Variants in TBC1D32 observed in about 807,000 individuals in gnomAD.
The protein encoded by TBC1D32 is protein broad-minded.
In TBC1D32, 151 loss-of-function variants were observed where a neutral mutation model predicts 170.3. That is an observed-to-expected ratio of 0.89 (90% CI 0.78 to 1.01). The LOEUF (loss-of-function observed/expected upper bound fraction) is 1.01. Among genes scored for constraint, TBC1D32 ranks in the 50% least tolerant of loss-of-function variants. The probability of loss-of-function intolerance (pLI) is 0.00; values close to 1 mark genes in which losing one functional copy is unlikely to be tolerated. For missense variants in TBC1D32, 1,464 were observed against 1,457.1 expected, an observed-to-expected ratio of 1.00 and a Z score of -0.08; for synonymous variants, 498 against 488.0, an observed-to-expected ratio of 1.02 and a Z score of -0.27.
chr6:121,192,536 T>C (rs1227096365), intron 22 of TBC1D32: 2 of 152,186 alleles, frequency 1.3e-5, no homozygotes, highest in Non-Finnish European at 2.9e-5. Flanking sequence ...AGTGAGTGGC[T>C]TATTTCCTGT....
In TBC1D32 at chr6:121,128,540, T is replaced by C. The variant is rs1029417486; in HGVS notation, c.2900-2079A>G. On this transcript the variant is annotated intron_variant, in intron 25 of 31. Coordinates refer to ENST00000398212, the MANE Select transcript of TBC1D32 (RefSeq NM_152730.6). ...ATGTTACTGTCCAGAAAGTAAACTATAGAATATTGTTCCTCTAAAGTAAAT... is the reference window on the plus strand; with the variant it reads ...ATGTTACTGTCCAGAAAGTAAACTACAGAATATTGTTCCTCTAAAGTAAAT... Among the ~76,000 whole-genome samples the C allele has an allele frequency of 2.6e-5, 4 of 152,236 alleles. No homozygotes were observed. In the East Asian group the frequency reaches 7.7e-4, roughly 29 times the overall value.
intron 15 of TBC1D32, among the ~76,000 whole-genome samples, chr6:121,262,086 TAAG>T (rs780965926): frequency 4.0e-5 from 6 of 151,240 alleles, no homozygotes; most frequent in Non-Finnish European, 7.4e-5. Context: ...GAAAAAAGAG[TAAG>T]AAGTAATGTA....
chr6:121,089,020 T>C (rs35102641), intron 31 of TBC1D32, among the ~76,000 whole-genome samples: 29,362 of 152,098 alleles, frequency 0.19, 3,944 homozygotes, highest in African/African-American at 0.36. Flanking sequence ...TCAACATTAA[T>C]CAAATTTAAA....
chr6:121,306,883 T>A (rs1258661041), intron 5 of TBC1D32, among the ~76,000 whole-genome samples: 1 of 152,218 alleles, frequency 6.6e-6, no homozygotes, highest in East Asian at 1.9e-4. Flanking sequence ...AATCTCAACA[T>A]TAGTTTTCTA....
At chr6:121,249,637 A>G (rs967040215) in intron 17 of TBC1D32, among the ~76,000 whole-genome samples, 2 of 152,072 alleles carry the variant, frequency 1.3e-5, no homozygotes, top group Admixed American at 6.6e-5. Context: ...ACAAAATCAA[A>G]GTACACAAAT....
intron 22 of TBC1D32, among the ~76,000 whole-genome samples, chr6:121,185,624 C>A (rs1417958138): frequency 2.0e-5 from 3 of 152,024 alleles, no homozygotes; most frequent in African/African-American, 4.8e-5. Flanking sequence ...GGGAGACCAA[C>A]AAGCTACCTA....
At chr6:121,148,030 G>A (rs989396255) in intron 24 of TBC1D32, among the ~76,000 whole-genome samples, 38 of 150,994 alleles carry the variant, frequency 2.5e-4, no homozygotes, top group Non-Finnish European at 3.2e-4. Flanking sequence ...TACATGTGCA[G>A]AACGTGCAGG....
At chr6:121,226,233 T>C (rs999406397) in intron 20 of TBC1D32, among the ~76,000 whole-genome samples, 3 of 152,146 alleles carry the variant, frequency 2.0e-5, no homozygotes, top group African/African-American at 7.2e-5. Flanking sequence ...ACTCATAGTA[T>C]AGTGCAGGAC....
intron 11 of TBC1D32, 121 bp downstream of exon 11, chr6:121,294,449 A>G: frequency 1.6e-6 from 1 of 639,972 alleles, no homozygotes; most frequent in Non-Finnish European, 2.7e-6. Context: ...CAGCATCATT[A>G]GTAAAAGTGA....
At chr6:121,189,725 T>A (rs934392556) in intron 22 of TBC1D32, among the ~76,000 whole-genome samples, 1 of 152,026 alleles carries the variant, frequency 6.6e-6, no homozygotes, top group African/African-American at 2.4e-5. Context: ...ACAACTAGCA[T>A]AACCTAGTTA....
At chr6:121,150,143 G>T (rs1325520477) in intron 24 of TBC1D32, among the ~76,000 whole-genome samples, 3 of 152,182 alleles carry the variant, frequency 2.0e-5, no homozygotes, top group African/African-American at 4.8e-5. Flanking sequence ...GACATTGGCT[G>T]TGGGTTTCTC....
At position 121,299,420 on chromosome 6, in the gene TBC1D32, A is replaced by G. The variant is rs939266305; in HGVS notation, c.1140+26T>C. ...TATATTCTGGTGATATTATTTCTCAACATAAAAACAGAATTACAGACTTAC... is the reference window on the plus strand; with the variant it reads ...TATATTCTGGTGATATTATTTCTCAGCATAAAAACAGAATTACAGACTTAC... On this transcript the variant is annotated intron_variant, in intron 10 of 31. Coordinates refer to ENST00000398212, the MANE Select transcript of TBC1D32 (RefSeq NM_152730.6). 6 of 1,480,590 alleles carry G rather than the reference A, an allele frequency of 4.1e-6. No homozygotes were observed. In the African/African-American group the frequency reaches 6.9e-5, roughly 17 times the overall value. The allele number at this position is 1,480,590 out of a possible 1,614,324, so 91.7% of individuals were successfully genotyped here. A position where few individuals can be genotyped will look rare whatever the true frequency, so the allele number is the denominator to read the frequency against.
At chr6:121,267,221 T>C (rs1800648853) in intron 15 of TBC1D32, among the ~76,000 whole-genome samples, 1 of 149,308 alleles carries the variant, frequency 6.7e-6, no homozygotes. Context: ...AGAAGATGGG[T>C]GATTTCTGCA....
chr6:121,145,782 C>T (rs1211061991), intron 24 of TBC1D32, among the ~76,000 whole-genome samples: 4 of 152,192 alleles, frequency 2.6e-5, no homozygotes, highest in Admixed American at 1.3e-4. Flanking sequence ...ATCAGGTTCA[C>T]TCAGGAGACT....
intron 22 of TBC1D32, among the ~76,000 whole-genome samples, chr6:121,199,686 T>C (rs1583187864): frequency 6.6e-6 from 1 of 151,294 alleles, no homozygotes; most frequent in African/African-American, 2.5e-5. Context: ...TGGATGGTTT[T>C]GTCATCATGT....
intron 29 of TBC1D32, among the ~76,000 whole-genome samples, chr6:121,109,375 G>A (rs1395016897): frequency 6.6e-6 from 1 of 152,100 alleles, no homozygotes; most frequent in Non-Finnish European, 1.5e-5. Context: ...TTTATCATAA[G>A]TGGAGTTTTG....
intron 16 of TBC1D32, among the ~76,000 whole-genome samples, 153 bp from the exon 17 acceptor site, chr6:121,255,563 T>A (rs890377615): frequency 8.2e-6 from 1 of 121,640 alleles, no homozygotes; most frequent in African/African-American, 4.2e-5. Flanking sequence ...ATTTCTTATG[T>A]TGCATTTTTG....
At chr6:121,103,077 A>G (rs1289742761) in intron 30 of TBC1D32, among the ~76,000 whole-genome samples, 1 of 151,984 alleles carries the variant, frequency 6.6e-6, no homozygotes, top group Non-Finnish European at 1.5e-5. Flanking sequence ...TAAAAAGTCA[A>G]GAAACAACAG....
At chr6:121,314,130 C>A (rs1441181560) in intron 3 of TBC1D32, among the ~76,000 whole-genome samples, 2 of 152,148 alleles carry the variant, frequency 1.3e-5, no homozygotes, top group Non-Finnish European at 2.9e-5. Context: ...TGTTTCTTTG[C>A]CTTTTCCAGC....
Sources: allele counts gnomAD v4.1 joint callset (sites outside exome capture counted in the v4.1 genomes callset), GRCh38; gene constraint gnomAD v4.1.1; transcripts MANE v1.5; gene names NCBI Gene and HGNC (gene_info 2026-07-23, HGNC 2026-07-21).